The following SPAG9 variants were observed in gnomAD, a reference collection of about 807,000 sequenced individuals.
The protein encoded by SPAG9 is C-Jun-amino-terminal kinase-interacting protein 4.
A neutral mutation model predicts 166.5 loss-of-function variants in SPAG9; 35 were observed. The ratio of observed to expected loss-of-function variants is 0.21; its 90% CI spans 0.16 to 0.28. SPAG9 has a LOEUF of 0.28. Among genes scored for constraint, SPAG9 ranks in the 10% least tolerant of loss-of-function variants. The pLI is 1.00. For synonymous variants in SPAG9, 534 were observed against 565.5 expected, an observed-to-expected ratio of 0.94 and a Z score of 0.79; for missense variants, 1,235 against 1,603.3, an observed-to-expected ratio of 0.77 and a Z score of 3.92.
intron 28 of SPAG9, among the ~76,000 whole-genome samples, chr17:50,972,395 C>T (rs1973890763): frequency 6.6e-6 from 1 of 152,116 alleles, no homozygotes; most frequent in South Asian, 2.1e-4. Context: ...AAGGAAAATA[C>T]AGGTTATTTT....
Position 51,099,246 on chromosome 17 carries a change from C to G in SPAG9, c.304-19542G>C, listed in dbSNP as rs1024314060. Among the ~76,000 whole-genome samples the G allele has an allele frequency of 4.0e-5, 6 of 151,456 alleles. No homozygotes were observed. The East Asian group carries it at 1.2e-3, about 29-fold the overall frequency. On this transcript the variant is annotated intron_variant, in intron 1 of 29. Transcript: ENST00000262013. Reference sequence around the variant, plus strand: ...GTCAGCAGTTTGAGACCAGCCTGACCAACGTGGAGAAACCCCGTCTCCAAT... The same window carrying G: ...GTCAGCAGTTTGAGACCAGCCTGACGAACGTGGAGAAACCCCGTCTCCAAT...
chr17:51,053,681 TCA>T (rs1489548590), intron 3 of SPAG9, among the ~76,000 whole-genome samples: 1 of 146,826 alleles, frequency 6.8e-6, no homozygotes, highest in African/African-American at 2.5e-5. Flanking sequence ...CGAGACTCCA[TCA>T]CACACAAAAA....
intron 1 of SPAG9, among the ~76,000 whole-genome samples, chr17:51,100,728 T>A (rs551165731): frequency 1.3e-5 from 2 of 152,190 alleles, no homozygotes; most frequent in Admixed American, 1.3e-4. Flanking sequence ...CAGACCAGCC[T>A]GACTAACATG....
chr17:51,012,460 C>T (rs1356474751), intron 9 of SPAG9, among the ~76,000 whole-genome samples: 1 of 151,612 alleles, frequency 6.6e-6, no homozygotes, highest in African/African-American at 2.4e-5. Flanking sequence ...GTCCCAGCTA[C>T]TCGGGAGGCT....
intron 2 of SPAG9, among the ~76,000 whole-genome samples, chr17:51,061,406 A>T (rs1030385607): frequency 1.3e-5 from 2 of 152,006 alleles, no homozygotes; most frequent in Non-Finnish European, 2.9e-5. Flanking sequence ...TGAGGTCAGC[A>T]GTTCGAGACC....
chr17:50,987,112 C>A lies in SPAG9; in HGVS notation c.2939G>T (p.Cys980Phe). The part of the protein sequence containing the change: ...PTMWLGAQNG[C>F]LYVHSSVAQW... The stretch of plus-strand genomic sequence containing the variant: ...TAATGTTAAAAGCATTGACACCTAC[C>A]AGCCATTTTGAGCTCCAAGCCACAT... Residue 980 changes from cysteine (C) to phenylalanine (F), a missense_variant and splice_region_variant, in exon 22 of 30, where the codon TGT becomes TTT. Cys to Phe is a radical substitution (Grantham distance 205, BLOSUM62 -2). Coordinates refer to ENST00000262013, the MANE Select transcript of SPAG9 (RefSeq NM_001130528.3). 6.2e-7 allele frequency: 1 copy of A among 1,605,202 alleles called. No homozygotes were observed. Among genetic ancestry groups the A allele is most frequent in the Non-Finnish European group, 8.5e-7 (1 of 1,177,302 alleles).
At chr17:50,985,567 A>G in intron 23 of SPAG9, 131 bp downstream of exon 23, 5 of 583,482 alleles carry the variant, frequency 8.6e-6, no homozygotes, top group South Asian at 8.3e-5. Context: ...GTTCCATAAA[A>G]AGGGTTAAAA....
chr17:51,018,792 G>A (rs1329417534), intron 8 of SPAG9, among the ~76,000 whole-genome samples: 1 of 152,106 alleles, frequency 6.6e-6, no homozygotes, highest in Non-Finnish European at 1.5e-5. Flanking sequence ...ATGCTCCATA[G>A]CCAACGGTGT....
At chr17:51,106,876 T>G (rs1408745345) in intron 1 of SPAG9, among the ~76,000 whole-genome samples, 2 of 151,280 alleles carry the variant, frequency 1.3e-5, no homozygotes, top group Non-Finnish European at 1.5e-5. Context: ...GGCTGAAGTG[T>G]GCAGATCACA....
intron 1 of SPAG9, among the ~76,000 whole-genome samples, chr17:51,095,882 T>C (rs529706164): frequency 6.2e-5 from 9 of 144,726 alleles, no homozygotes; most frequent in African/African-American, 2.3e-4. Flanking sequence ...ATGTGATATA[T>C]ATAGTGATAT....
chr17:51,095,925 T>TTA (rs2048610748), intron 1 of SPAG9, among the ~76,000 whole-genome samples: 1 of 133,082 alleles, frequency 7.5e-6, no homozygotes, highest in East Asian at 2.1e-4. Context: ...ATATATATAG[T>TTA]GATATATATA....
chr17:51,094,935 G>T (rs979959075), intron 1 of SPAG9, among the ~76,000 whole-genome samples: 1 of 152,208 alleles, frequency 6.6e-6, no homozygotes, highest in Non-Finnish European at 1.5e-5. Flanking sequence ...CAGAGAAGTA[G>T]AATCACCAGT....
intron 6 of SPAG9, 182 bp downstream of exon 6, chr17:51,031,499 G>C: frequency 1.8e-6 from 1 of 570,934 alleles, no homozygotes. Flanking sequence ...ATAAATTACA[G>C]ATTGCAGTAA....
chr17:51,031,783 G>A, intron 5 of SPAG9, 61 bp from the exon 6 acceptor site: 1 of 1,242,698 alleles, frequency 8.0e-7, no homozygotes, highest in Non-Finnish European at 1.2e-6. Flanking sequence ...TTTTAACACA[G>A]CTGTAACTTT....
intron 29 of SPAG9, 104 bp downstream of exon 29, chr17:50,970,603 G>C: frequency 1.1e-6 from 1 of 922,578 alleles, no homozygotes; most frequent in South Asian, 2.4e-5. Context: ...AGCTCAAAGA[G>C]AACCTCTTAT....
At chr17:50,984,892 G>A in intron 24 of SPAG9, 31 bp downstream of exon 24, 1 of 1,567,796 alleles carries the variant, frequency 6.4e-7, no homozygotes, top group Non-Finnish European at 8.8e-7. Flanking sequence ...CAACAAATTA[G>A]TGTCCATGTT....
At chr17:50,990,202 T>A (rs368321184) in intron 20 of SPAG9, 18 of 519,766 alleles carry the variant, frequency 3.5e-5, no homozygotes, top group South Asian at 2.1e-4. Context: ...TAATTTTTTG[T>A]ACTTTTTAGT....
In SPAG9 at chr17:50,962,782, AG is replaced by A. The variant is rs745715086; in HGVS notation, c.*3489del. ...TTGTTACTAAGGCAGCCTATGTTAA[AG>A]GGTCTCGTCTCAAATGTAGGAAGAC... On this transcript the variant is annotated 3_prime_UTR_variant, in exon 30 of 30. Transcript: ENST00000262013. 11 of 152,358 alleles carry A rather than the reference AG, an allele frequency of 7.2e-5. No homozygotes were observed. The South Asian group carries it at 1.9e-3, about 26-fold the overall frequency. The allele number at this position is 152,358 out of a possible 1,614,324, so 9.4% of individuals were successfully genotyped here.
Position 51,053,855 on chromosome 17 carries a change from GTATATATATATATATATA to G in SPAG9, c.495+2539_495+2556del, listed in dbSNP as rs1161592026. The stretch of plus-strand genomic sequence containing the variant: ...CCTAATTAAAAAAAAAAAAAAAAAA[GTATATATATATATATATA>G]TATATATATATATATATATATATAT... On this transcript the variant is annotated intron_variant, in intron 3 of 29. Coordinates refer to ENST00000262013, the MANE Select transcript of SPAG9 (RefSeq NM_001130528.3). Among the ~76,000 whole-genome samples the G allele has an allele frequency of 2.0e-3, 77 of 37,750 alleles. 2 individuals are homozygous for G. The highest frequency in any genetic ancestry group is 6.6e-3 in the East Asian group (5 of 760). 24.8% of individuals were successfully genotyped at this position (37,750 alleles called of 152,430 possible). A position where few individuals can be genotyped will look rare whatever the true frequency, so the allele number is the denominator to read the frequency against.
Sources: allele counts gnomAD v4.1 joint callset (sites outside exome capture counted in the v4.1 genomes callset), GRCh38; gene constraint gnomAD v4.1.1; transcripts MANE v1.5; gene names NCBI Gene and HGNC (gene_info 2026-07-23, HGNC 2026-07-21).